Variants in HECTD4 observed in about 807,000 individuals in gnomAD.
HECTD4 encodes the protein probable E3 ubiquitin-protein ligase HECTD4.
HECTD4 carries 114 observed loss-of-function variants against 471.5 expected under a neutral mutation model. That is an observed-to-expected ratio of 0.24 (90% confidence interval 0.21 to 0.28). The LOEUF (loss-of-function observed/expected upper bound fraction) is 0.28. HECTD4 is among the 10% of genes least tolerant of loss of function. HECTD4 has a pLI of 1.00. For synonymous variants in HECTD4, 2,012 were observed against 2,256.0 expected, an observed-to-expected ratio of 0.89 and a Z score of 3.07; for missense variants, 3,866 against 5,651.5, an observed-to-expected ratio of 0.68 and a Z score of 10.13.
intron 1 of HECTD4, among the ~76,000 whole-genome samples, chr12:112,376,403 C>T (rs1169372463): frequency 3.3e-5 from 5 of 152,046 alleles, no homozygotes; most frequent in South Asian, 2.1e-4. Context: ...CCCGCCACCA[C>T]GCCCGGCTAA....
In HECTD4 at chr12:112,381,941, G is replaced by T. The variant is rs2036903780; in HGVS notation, c.177+11C>A. 1 of 1,222,604 alleles carries T rather than the reference G, an allele frequency of 8.2e-7. No individual in the cohort carries two copies. Among genetic ancestry groups the T allele is most frequent in the South Asian group, 4.1e-5 (1 of 24,250 alleles). The allele number at this position is 1,222,604 out of a possible 1,614,324, so 75.7% of individuals were successfully genotyped here. On this transcript the variant is annotated intron_variant, in intron 1 of 75. Transcript: ENST00000682272. This position sits in a 1 kb window ranked among gnomAD's most constrained non-coding sequence, Gnocchi z 4.1. ...AGTCCGATGGCGGGGGCCGGGGGCC[G>T]CCTCGCTCACCTCCAGGTCGGTGTC...
intron 8 of HECTD4, among the ~76,000 whole-genome samples, chr12:112,279,676 T>A (rs989159008): frequency 2.0e-5 from 3 of 152,196 alleles, no homozygotes; most frequent in Non-Finnish European, 4.4e-5. Context: ...TCCAAAAAAA[T>A]AAATCCTCAC....
At chr12:112,289,236 A>AACCAC in intron 7 of HECTD4, among the ~76,000 whole-genome samples, 1 of 152,154 alleles carries the variant, frequency 6.6e-6, no homozygotes, top group Non-Finnish European at 1.5e-5. Context: ...ACTAGCTGAG[A>AACCAC]CTACAGGTGT....
chr12:112,230,762 C>A lies in HECTD4; in HGVS notation c.6261G>T (p.Val2087=), dbSNP rs750695580. ...TGAGCAAGCTATGTAGCAAGGCGAT[C>A]ACTTCTGCAGCCATGCTGTTTGCCA... The part of the protein sequence containing the change: ...GHVANSMAAE[V]IALLHSLLMA... The change falls in exon 40 of 76, where the codon GTG becomes GTT. Residue 2087 remains valine, a synonymous_variant. Coordinates refer to ENST00000682272, the MANE Select transcript of HECTD4 (RefSeq NM_001388303.1). 1.4e-5 allele frequency: 22 copies of A among 1,610,882 alleles called. No homozygotes were observed. Among genetic ancestry groups the A allele is most frequent in the Non-Finnish European group, 1.9e-5 (22 of 1,178,670 alleles).
chr12:112,329,391 A>C (rs1263472422), intron 1 of HECTD4, among the ~76,000 whole-genome samples: 2 of 146,532 alleles, frequency 1.4e-5, no homozygotes, highest in Non-Finnish European at 3.0e-5. Context: ...TTTTTTTAAC[A>C]GAGTCTCGCT....
rs536879727 is a variant in HECTD4 at position 112,174,776 on chromosome 12, C to T, written c.11594+960G>A. Among the ~76,000 whole-genome samples the T allele has an allele frequency of 2.8e-3, 428 of 151,918 alleles. 2 individuals are homozygous for T. The highest frequency in any genetic ancestry group is 5.1e-3 in the Non-Finnish European group (349 of 67,918). ...ACGGGGTTTCACCATATTGGCCAGG[C>T]TGGTCTCAAGCTCCTGACCTCATGC... On this transcript the variant is annotated intron_variant, in intron 66 of 75. Transcript: ENST00000682272.
chr12:112,357,511 A>AAAAC (rs549490741), intron 1 of HECTD4, among the ~76,000 whole-genome samples: 1 of 152,166 alleles, frequency 6.6e-6, no homozygotes, highest in African/African-American at 2.4e-5. Context: ...AAGGATAGAG[A>AAAAC]AAACAAACAA....
Position 112,217,191 on chromosome 12 carries a change from T to A in HECTD4, c.7079A>T (p.Lys2360Ile), listed in dbSNP as rs546632862. The stretch of plus-strand genomic sequence containing the variant: ...TCGCGAGGGGCTCCAAGTAATCTCT[T>A]TGGGCTGCATCAGGGAGAAAAACCC... ...PPLQADRRQP[K>I]EITWSPSRVF... Residue 2360 changes from lysine to isoleucine, a missense_variant, in exon 46 of 76, where the codon AAA (lysine) becomes ATA (isoleucine). Physicochemically the swap from Lys to Ile is moderately radical, Grantham distance 102. Coordinates refer to ENST00000682272, the MANE Select transcript of HECTD4 (RefSeq NM_001388303.1). The A allele has an allele frequency of 6.6e-7, 1 of 1,508,428 alleles. No individual in the cohort carries two copies. The highest frequency in any genetic ancestry group is 1.4e-5 in the South Asian group (1 of 72,444). 93.4% of individuals were successfully genotyped at this position (1,508,428 alleles called of 1,614,324 possible). A position where few individuals can be genotyped will look rare whatever the true frequency, so the allele number is the denominator to read the frequency against.
At chr12:112,365,762 T>C (rs539692439) in intron 1 of HECTD4, among the ~76,000 whole-genome samples, 1 of 128,716 alleles carries the variant, frequency 7.8e-6, no homozygotes, top group South Asian at 2.4e-4. Context: ...CTTCTTTGTG[T>C]TTTTTTTTTG....
rs2031595580 is a variant in HECTD4, at chr12:112,179,710, C to G, written c.10988-313G>C. Among the ~76,000 whole-genome samples, 1 of 152,196 alleles carries G rather than the reference C, an allele frequency of 6.6e-6. No individual in the cohort carries two copies. The highest frequency in any genetic ancestry group is 6.5e-5 in the Admixed American group (1 of 15,288). On this transcript the variant is annotated intron_variant, in intron 62 of 75. Transcript: ENST00000682272. The surrounding 1 kb of genome is among the most constrained non-coding windows in gnomAD (Gnocchi z 4.3). ...CGACAGGCCCCTCCCCGAGGGTGGG[C>G]ACACCTCAGTGCTCACCCTCACTCT... is the stretch of plus-strand genomic sequence containing the variant.
At chr12:112,277,183 G>C (rs2034544417) in intron 9 of HECTD4, among the ~76,000 whole-genome samples, 1 of 152,074 alleles carries the variant, frequency 6.6e-6, no homozygotes, top group South Asian at 2.1e-4. Context: ...CAACTCAAAT[G>C]TCCATCAACT....
intron 11 of HECTD4, among the ~76,000 whole-genome samples, chr12:112,271,000 T>C (rs879073379): frequency 1.3e-5 from 2 of 152,142 alleles, no homozygotes; most frequent in Admixed American, 1.3e-4. Context: ...TGGAAGTGAA[T>C]CCACAGTCTG....
At chr12:112,287,596 G>C (rs186334891) in intron 7 of HECTD4, among the ~76,000 whole-genome samples, 141 of 152,046 alleles carry the variant, frequency 9.3e-4, no homozygotes, top group Non-Finnish European at 1.8e-3. Context: ...ACAGAAGTGA[G>C]GATATTTTTT....
chr12:112,163,660 G>A lies in HECTD4; in HGVS notation c.12779C>T (p.Thr4260Met), dbSNP rs1448044842. The A allele has an allele frequency of 3.1e-5, 47 of 1,538,432 alleles. No individual in the cohort carries two copies. The highest frequency in any genetic ancestry group is 1.2e-4 in the East Asian group (5 of 40,442). ...LRELQNVECV[T>M]AVRAGLGSII... ...GGAGCCCAGGCCGGCCCGCACGGCC[G>A]TCACGCACTCCACATTCTGCAGCTC... is the stretch of plus-strand genomic sequence containing the variant. The change falls in exon 74 of 76, where the codon ACG (threonine) becomes ATG (methionine). Residue 4260 changes from threonine (T) to methionine (M), a missense_variant. Thr to Met is a moderately conservative substitution (Grantham distance 81, BLOSUM62 -1). Coordinates refer to ENST00000682272, the MANE Select transcript of HECTD4 (RefSeq NM_001388303.1). The surrounding 1 kb of genome is among the most constrained non-coding windows in gnomAD (Gnocchi z 8.2).
At chr12:112,335,143 TACACAC>T (rs144839031) in intron 1 of HECTD4, among the ~76,000 whole-genome samples, 3 of 146,812 alleles carry the variant, frequency 2.0e-5, no homozygotes, top group Non-Finnish European at 4.5e-5. Flanking sequence ...GAAACTGTGA[TACACAC>T]ACACACACAC....
chr12:112,178,046 C>T (rs527710993), intron 64 of HECTD4, among the ~76,000 whole-genome samples: 2 of 152,280 alleles, frequency 1.3e-5, no homozygotes, highest in East Asian at 3.9e-4. Flanking sequence ...AGGGGCAATT[C>T]AATTTTTTCC....
intron 21 of HECTD4, among the ~76,000 whole-genome samples, chr12:112,255,983 C>A (rs1174551321): frequency 6.6e-6 from 1 of 152,162 alleles, no homozygotes; most frequent in Non-Finnish European, 1.5e-5. Context: ...GGACATCACA[C>A]ATCTGGGGTA....
At chr12:112,164,822 A>G (rs189956579) in intron 72 of HECTD4, among the ~76,000 whole-genome samples, 3 of 150,194 alleles carry the variant, frequency 2.0e-5, no homozygotes, top group East Asian at 3.9e-4. Flanking sequence ...GGGTTTCACT[A>G]TGTTGGCCAG....
chr12:112,358,475 A>G (rs956413176), intron 1 of HECTD4, among the ~76,000 whole-genome samples: 1 of 152,120 alleles, frequency 6.6e-6, no homozygotes, highest in African/African-American at 2.4e-5. Context: ...CAAAAAAAGC[A>G]TTATGTAAAT....
Sources: gnomAD v4.1 joint callset for allele counts (sites outside exome capture counted in the v4.1 genomes callset) on GRCh38, gnomAD v4.1.1 for gene constraint, Gnocchi (gnomAD v3.1) non-coding constraint, MANE v1.5 for transcripts, NCBI Gene and HGNC (gene_info 2026-07-23, HGNC 2026-07-21) for gene names.